The following NFATC3 variants were observed in gnomAD, a reference collection of about 807,000 sequenced individuals.
The protein encoded by NFATC3 is nuclear factor of activated T-cells, cytoplasmic 3.
NFATC3 carries 46 observed loss-of-function variants against 98.6 expected under a neutral mutation model. The ratio of observed to expected loss-of-function variants is 0.47; its 90% CI spans 0.37 to 0.60. NFATC3 has a LOEUF of 0.60. Ranked by LOEUF, NFATC3 falls within the 20% of genes least tolerant of loss-of-function variation. NFATC3 has a pLI of 0.00. For synonymous variants in NFATC3, 512 were observed against 472.2 expected (o/e 1.08, Z -1.09); for missense variants, 1,256 against 1,295.5 (o/e 0.97, Z 0.47).
At chr16:68,213,444 T>TA (rs923545841) in intron 9 of NFATC3, among the ~76,000 whole-genome samples, 170 of 147,076 alleles carry the variant, frequency 1.2e-3, no homozygotes, top group South Asian at 6.8e-3. Flanking sequence ...AAATAAAAAT[T>TA]AAAAAAAATA....
chr16:68,122,751 C>T lies in NFATC3; in HGVS notation c.868C>T (p.His290Tyr). Reference protein sequence around the residue: ...EVCYAGSLSPHHSPVPSPGHS... With the variant: ...EVCYAGSLSPYHSPVPSPGHS... ...TTGTTATGCTGGGTCCCTTTCACCC[C>T]ATCACTCACCTGTTCCTTCACCTGG... The change falls in exon 2 of 10, where the codon CAT becomes TAT. Residue 290 changes from histidine to tyrosine, a missense_variant. This residue lies in a region of NFATC3 where 464 missense variants were observed against 465.7 expected (regional missense o/e 1.00). Coordinates refer to ENST00000346183, the MANE Select transcript of NFATC3 (RefSeq NM_173165.3). 6.2e-7 allele frequency: 1 copy of T among 1,614,230 alleles called. No individual in the cohort carries two copies.
chr16:68,096,626 C>T (rs777409416), intron 1 of NFATC3, among the ~76,000 whole-genome samples: 6 of 152,090 alleles, frequency 3.9e-5, no homozygotes, highest in Non-Finnish European at 8.8e-5. Flanking sequence ...GGCCTCTGAG[C>T]ATATAATGAC....
intron 9 of NFATC3, chr16:68,221,376 A>G: frequency 1.3e-6 from 2 of 1,559,398 alleles, no homozygotes; most frequent in Non-Finnish European, 1.7e-6. Flanking sequence ...GGCTCAAGTT[A>G]TTGCTAAAGG....
At chr16:68,190,621 A>G (rs1284560230) in intron 8 of NFATC3, 147 bp from the exon 9 acceptor site, 4 of 697,614 alleles carry the variant, frequency 5.7e-6, no homozygotes, top group Non-Finnish European at 9.4e-6. Flanking sequence ...ACACACAGAC[A>G]TACACGATAT....
chr16:68,192,230 A>ATATATATATATATATAT (rs10642778), intron 9 of NFATC3: 2 of 82,600 alleles, frequency 2.4e-5, no homozygotes, highest in African/African-American at 1.1e-4. Flanking sequence ...AAAAAAAAAA[A>ATATATATATATATATAT]ATATATATAT....
intron 3 of NFATC3, among the ~76,000 whole-genome samples, chr16:68,149,703 T>G (rs1299056968): frequency 1.3e-5 from 2 of 152,202 alleles, no homozygotes; most frequent in Non-Finnish European, 2.9e-5. Flanking sequence ...CAGAAATTGA[T>G]CCAGAATTGG....
intron 3 of NFATC3, among the ~76,000 whole-genome samples, chr16:68,140,695 T>TA (rs1253486905): frequency 9.2e-5 from 14 of 151,482 alleles, no homozygotes; most frequent in Middle Eastern, 3.4e-3. Context: ...TCTGTTGAAA[T>TA]AAAAAAAAGG....
At chr16:68,089,846 T>C (rs1049497603) in intron 1 of NFATC3, among the ~76,000 whole-genome samples, 3 of 152,184 alleles carry the variant, frequency 2.0e-5, no homozygotes, top group African/African-American at 7.2e-5. Context: ...TTACTAAATA[T>C]TGACTTTCTA....
chr16:68,183,389 A>G (rs2040026079), intron 8 of NFATC3, 23 bp downstream of exon 8: 2 of 1,606,364 alleles, frequency 1.2e-6, no homozygotes, highest in Non-Finnish European at 1.7e-6. Context: ...ATGATGGTTT[A>G]CTATAGAGCT....
At chr16:68,134,497 C>T (rs977643708) in intron 3 of NFATC3, among the ~76,000 whole-genome samples, 2 of 152,156 alleles carry the variant, frequency 1.3e-5, no homozygotes, top group Non-Finnish European at 1.5e-5. Flanking sequence ...CCAGCCAGCT[C>T]ATCTTCGAAT....
At chr16:68,088,657 C>A (rs1485644587) in intron 1 of NFATC3, 1 of 152,004 alleles carries the variant, frequency 6.6e-6, no homozygotes, top group Non-Finnish European at 1.5e-5. Context: ...CCTCTGCCTC[C>A]TGAGTAGTTG....
intron 9 of NFATC3, chr16:68,214,248 A>G: frequency 1.9e-6 from 2 of 1,027,760 alleles, no homozygotes; most frequent in Non-Finnish European, 3.0e-6. Context: ...TATAGAAAAA[A>G]AACAGGCTGG....
rs562357748 is a variant in NFATC3, at chr16:68,136,011, C to T, written c.1401+9401C>T. Among the ~76,000 whole-genome samples the T allele has an allele frequency of 9.2e-5, 14 of 151,842 alleles. No individual in the cohort carries two copies. In the East Asian group the frequency reaches 1.4e-3, roughly 15 times the overall value. ...TCGGGAGGCAGAGGTTGCAGTGAGC[C>T]GAGATCGCGTCATTGCACTCCAGCC... On this transcript the variant is annotated intron_variant, in intron 3 of 9. Transcript: ENST00000346183.
chr16:68,149,029 G>A (rs992515763), intron 3 of NFATC3, among the ~76,000 whole-genome samples: 1 of 152,056 alleles, frequency 6.6e-6, no homozygotes, highest in Admixed American at 6.6e-5. Context: ...ATTTAAAAAG[G>A]ACTTAAATTT....
intron 5 of NFATC3, 89 bp from the exon 6 acceptor site, chr16:68,174,285 T>C: frequency 9.0e-7 from 1 of 1,108,056 alleles, no homozygotes; most frequent in Non-Finnish European, 1.2e-6. Flanking sequence ...CTTTATTTTC[T>C]TTTTGTAGCT....
chr16:68,146,647 C>T (rs1476241479), intron 3 of NFATC3, among the ~76,000 whole-genome samples: 1 of 152,076 alleles, frequency 6.6e-6, no homozygotes, highest in Non-Finnish European at 1.5e-5. Context: ...ATTTAGAGCC[C>T]ATTCCCCCAA....
chr16:68,187,056 G>A (rs2040234536), intron 8 of NFATC3, among the ~76,000 whole-genome samples: 2 of 152,234 alleles, frequency 1.3e-5, no homozygotes, highest in Admixed American at 1.3e-4. Context: ...AGGGTGAGCA[G>A]AGTGGGAAGG....
intron 9 of NFATC3, among the ~76,000 whole-genome samples, chr16:68,214,737 A>G (rs536746234): frequency 6.6e-6 from 1 of 152,246 alleles, no homozygotes; most frequent in Non-Finnish European, 1.5e-5. Context: ...TGGGTTGCTC[A>G]GTAAATTTGG....
At chr16:68,118,539 ATTCTTCTTT>A (rs2036409001) in intron 1 of NFATC3, among the ~76,000 whole-genome samples, 2 of 152,040 alleles carry the variant, frequency 1.3e-5, no homozygotes, top group Non-Finnish European at 2.9e-5. Context: ...CTCTTAACTC[ATTCTTCTTT>A]TTCTCCCTAA....
Sources: gnomAD v4.1 joint callset for allele counts (sites outside exome capture counted in the v4.1 genomes callset) on GRCh38, gnomAD v4.1.1 for gene constraint, gnomAD v4.1.1 regional missense constraint, MANE v1.5 for transcripts, NCBI Gene and HGNC (gene_info 2026-07-23, HGNC 2026-07-21) for gene names.